Variants in NGEF observed in about 807,000 individuals in gnomAD.
NGEF encodes the protein ephexin-1.
In NGEF, 31 loss-of-function variants were observed where a neutral mutation model predicts 80.9. The ratio of observed to expected loss-of-function variants is 0.38; its 90% CI spans 0.29 to 0.52. The LOEUF (loss-of-function observed/expected upper bound fraction) is 0.52, where lower values mean the gene tolerates loss of function less well. NGEF is among the 20% of genes least tolerant of loss of function. The probability of loss-of-function intolerance (pLI) is 0.84; values close to 1 mark genes in which losing one functional copy is unlikely to be tolerated. For missense variants in NGEF, 709 were observed against 926.2 expected (o/e 0.77, Z 3.04); for synonymous variants, 371 against 370.2 (o/e 1.00, Z -0.03).
rs115991840 is a variant in NGEF at position 233,005,765 on chromosome 2, T to C, written c.-75+7303A>G. On this transcript the variant is annotated intron_variant, in intron 1 of 14. Coordinates refer to ENST00000264051, the MANE Select transcript of NGEF (RefSeq NM_019850.3). ...CATGGATTTAGCCCAGTGAGAGCCATGTTGGGCTTCTTGTCTTCTAGAATT... is the reference window on the plus strand; with the variant it reads ...CATGGATTTAGCCCAGTGAGAGCCACGTTGGGCTTCTTGTCTTCTAGAATT... Among the ~76,000 whole-genome samples the C allele has an allele frequency of 3.2e-3, 483 of 152,250 alleles. 3 individuals are homozygous for C. The highest frequency in any genetic ancestry group is 0.011 in the African/African-American group (466 of 41,562).
chr2:232,905,338 G>A (rs941621887), intron 5 of NGEF, among the ~76,000 whole-genome samples: 6 of 152,248 alleles, frequency 3.9e-5, no homozygotes, highest in African/African-American at 1.4e-4. Flanking sequence ...TCCTAACCGC[G>A]AGTGATCCGC....
chr2:232,951,456 C>T (rs1693677566), intron 3 of NGEF, among the ~76,000 whole-genome samples: 3 of 152,162 alleles, frequency 2.0e-5, no homozygotes, highest in Admixed American at 6.5e-5. Context: ...CCTGGGAAGA[C>T]CTGAGTCTTG....
intron 3 of NGEF, among the ~76,000 whole-genome samples, chr2:232,934,361 C>A (rs374892201): frequency 1.3e-5 from 2 of 151,184 alleles, no homozygotes; most frequent in South Asian, 4.2e-4. Context: ...GGAAGCTATT[C>A]CTTTTATGCT....
chr2:232,924,242 T>C (rs934355193), intron 4 of NGEF, among the ~76,000 whole-genome samples: 6 of 151,804 alleles, frequency 4.0e-5, no homozygotes, highest in Non-Finnish European at 5.9e-5. Flanking sequence ...ATCCCCAAAA[T>C]AAATAAATAA....
Position 232,998,982 on chromosome 2 carries a change from G to GC in NGEF, c.-75+14085dup, listed in dbSNP as rs570023735. Among the ~76,000 whole-genome samples, 31 of 152,266 alleles carry GC rather than the reference G, an allele frequency of 2.0e-4. 1 individual carries two copies. The East Asian group carries it at 6.0e-3, about 29-fold the overall frequency. On this transcript the variant is annotated intron_variant, in intron 1 of 14. Coordinates refer to ENST00000264051, the MANE Select transcript of NGEF (RefSeq NM_019850.3). ...ATAACTGCGTGCCACACTGTGCTAG[G>GC]CCTCTGGTCATGAGACAGACAGGGT...
chr2:232,951,309 C>T (rs1053710777), intron 3 of NGEF, among the ~76,000 whole-genome samples: 4 of 152,158 alleles, frequency 2.6e-5, no homozygotes, highest in Admixed American at 6.5e-5. Flanking sequence ...CTCTGTAAAG[C>T]GAGCCACCTG....
intron 3 of NGEF, among the ~76,000 whole-genome samples, chr2:232,948,559 C>T (rs943858664): frequency 3.3e-5 from 5 of 151,976 alleles, no homozygotes; most frequent in East Asian, 1.9e-4. Context: ...TGCCAACATG[C>T]GAGGAGTTAA....
At chr2:232,967,273 G>T (rs1166637675) in intron 3 of NGEF, among the ~76,000 whole-genome samples, 1 of 152,150 alleles carries the variant, frequency 6.6e-6, no homozygotes, top group Non-Finnish European at 1.5e-5. Flanking sequence ...CACAGAAGCA[G>T]ATGCTGCCAT....
At chr2:233,011,215 C>T (rs1695195700) in intron 1 of NGEF, among the ~76,000 whole-genome samples, 1 of 152,166 alleles carries the variant, frequency 6.6e-6, no homozygotes, top group Non-Finnish European at 1.5e-5. Flanking sequence ...TCCCCAGCCC[C>T]ACTTCAAAGC....
At chr2:233,006,065 C>A (rs554285483) in intron 1 of NGEF, among the ~76,000 whole-genome samples, 13 of 152,344 alleles carry the variant, frequency 8.5e-5, no homozygotes, top group Admixed American at 2.6e-4. Flanking sequence ...GATCCGCCCA[C>A]CTTGGCCTCC....
At chr2:233,000,037 A>G (rs1694936335) in intron 1 of NGEF, among the ~76,000 whole-genome samples, 1 of 152,220 alleles carries the variant, frequency 6.6e-6, no homozygotes, top group African/African-American at 2.4e-5. Flanking sequence ...TTGGAACTGT[A>G]AGTCCAAGAC....
At chr2:232,927,309 G>C in intron 3 of NGEF, 123 bp from the exon 4 acceptor site, 1 of 1,087,468 alleles carries the variant, frequency 9.2e-7, no homozygotes. Context: ...GGACCGTCCA[G>C]GGGCAGCGGC....
intron 1 of NGEF, among the ~76,000 whole-genome samples, chr2:233,012,425 G>A (rs2106350694): frequency 6.6e-6 from 1 of 152,356 alleles, no homozygotes; most frequent in South Asian, 2.1e-4. Context: ...GTTCTGAGGG[G>A]TAGGGCCTTC....
chr2:232,995,964 G>C (rs550241089), intron 1 of NGEF, among the ~76,000 whole-genome samples: 1 of 151,398 alleles, frequency 6.6e-6, no homozygotes, highest in African/African-American at 2.4e-5. Flanking sequence ...AGAATAAAAG[G>C]GTGTGAGCGT....
intron 3 of NGEF, chr2:232,928,258 G>C: frequency 1.3e-6 from 1 of 760,286 alleles, no homozygotes; most frequent in Non-Finnish European, 1.6e-6. Flanking sequence ...GCGGGGCGGG[G>C]GCGCCCGGGC....
At position 232,885,475 on chromosome 2, in the gene NGEF, A is replaced by C. The variant is rs1014423643; in HGVS notation, c.1348-106T>G. The C allele has an allele frequency of 5.7e-6, 5 of 874,540 alleles. No individual in the cohort carries two copies. In the African/African-American group the frequency reaches 8.2e-5, roughly 14 times the overall value. The allele number at this position is 874,540 out of a possible 1,614,324, so 54.2% of individuals were successfully genotyped here. A position where few individuals can be genotyped will look rare whatever the true frequency, so the allele number is the denominator to read the frequency against. ...AGGGCTGAGTGACCACCGTGACCAGACACTGTGCCCACAGCTGAGGCTGGC... is the reference window on the plus strand; with the variant it reads ...AGGGCTGAGTGACCACCGTGACCAGCCACTGTGCCCACAGCTGAGGCTGGC... On this transcript the variant is annotated intron_variant, in intron 9 of 14. Transcript: ENST00000264051.
At chr2:233,006,754 T>C (rs1695091852) in intron 1 of NGEF, among the ~76,000 whole-genome samples, 1 of 152,210 alleles carries the variant, frequency 6.6e-6, no homozygotes, top group African/African-American at 2.4e-5. Context: ...CTGTATGATC[T>C]TTACTGTACT....
At chr2:232,993,237 T>TTTATTTATATATATCATATATATAAAA (rs1694710598) in intron 1 of NGEF, among the ~76,000 whole-genome samples, 1 of 114,230 alleles carries the variant, frequency 8.8e-6, no homozygotes, top group East Asian at 2.2e-4. Flanking sequence ...CATATATATG[T>TTTATTTATATATATCATATATATAAAA]ATATTTTCAG....
At chr2:233,012,236 G>A (rs901346285) in intron 1 of NGEF, among the ~76,000 whole-genome samples, 1 of 152,126 alleles carries the variant, frequency 6.6e-6, no homozygotes, top group African/African-American at 2.4e-5. Context: ...GAGCTGTCAC[G>A]AGCCCAGGAA....
Sources: gnomAD v4.1 joint callset for allele counts (sites outside exome capture counted in the v4.1 genomes callset) on GRCh38, gnomAD v4.1.1 for gene constraint, MANE v1.5 for transcripts, NCBI Gene and HGNC (gene_info 2026-07-23, HGNC 2026-07-21) for gene names.